The following HDAC9 variants were observed in gnomAD, a reference collection of about 807,000 sequenced individuals.
HDAC9 encodes MEF-2 interacting transcription repressor (MITR) protein.
A neutral mutation model predicts 139.4 loss-of-function variants in HDAC9; 41 were observed. That is an observed-to-expected ratio of 0.29 (90% CI 0.23 to 0.38). The LOEUF is 0.38. Ranked by LOEUF, HDAC9 falls within the 10% of genes least tolerant of loss-of-function variation. The pLI, the probability that HDAC9 is intolerant of heterozygous loss-of-function variation, is 1.00. For synonymous variants in HDAC9, 517 were observed against 476.2 expected (o/e 1.09, Z -1.12); for missense variants, 1,147 against 1,297.0 (o/e 0.88, Z 1.78).
chr7:18,396,117 C>CCCTTCCCTTCCCTTG (rs1379236469), intron 1 of HDAC9, among the ~76,000 whole-genome samples: 4 of 124,576 alleles, frequency 3.2e-5, no homozygotes, highest in East Asian at 6.7e-4. Flanking sequence ...CCCTTCCCTT[C>CCCTTCCCTTCCCTTG]CCTTCCCTTC....
At chr7:18,560,091 T>C (rs1820117858) in intron 2 of HDAC9, among the ~76,000 whole-genome samples, 2 of 152,224 alleles carry the variant, frequency 1.3e-5, no homozygotes, top group African/African-American at 2.4e-5. Context: ...AATTTTTTTA[T>C]TATTTTTAAG....
At chr7:18,120,205 A>G (rs1207209121) in intron 1 of HDAC9, among the ~76,000 whole-genome samples, 1 of 152,178 alleles carries the variant, frequency 6.6e-6, no homozygotes, top group African/African-American at 2.4e-5. Flanking sequence ...ACTGGCATCT[A>G]GTGGGCAGAG....
chr7:18,210,429 T>C (rs1472909687), intron 2 of HDAC9, among the ~76,000 whole-genome samples: 2 of 152,224 alleles, frequency 1.3e-5, no homozygotes, highest in Non-Finnish European at 2.9e-5. Flanking sequence ...ATAAATCAGC[T>C]TGTTCCATAA....
At chr7:18,370,140 C>T (rs914679811) in intron 1 of HDAC9, among the ~76,000 whole-genome samples, 2 of 152,056 alleles carry the variant, frequency 1.3e-5, no homozygotes, top group Non-Finnish European at 2.9e-5. Context: ...TAAATTTATT[C>T]GTGCAAACCA....
intron 1 of HDAC9, among the ~76,000 whole-genome samples, chr7:18,467,947 A>G (rs573744689): frequency 2.0e-5 from 3 of 152,226 alleles, no homozygotes; most frequent in African/African-American, 7.2e-5. Context: ...CTACTCAGAT[A>G]TTTTATAAAA....
rs1389667845 is a variant in HDAC9 at position 18,624,810 on chromosome 7, T to C, written c.665-4540T>C. Among the ~76,000 whole-genome samples, 5 of 151,924 alleles carry C rather than the reference T, an allele frequency of 3.3e-5. No homozygotes were observed. The South Asian group carries it at 8.3e-4, about 25-fold the overall frequency. ...TCTGAAATGTTAGGAGTGAGTTTTA[T>C]AGAGCATTGCCAGGACTAAATGATA... On this transcript the variant is annotated intron_variant, in intron 6 of 25. Coordinates refer to ENST00000686413, the MANE Select transcript of HDAC9 (RefSeq NM_178425.4).
At chr7:18,986,497 G>A (rs1245249819) in intron 25 of HDAC9, among the ~76,000 whole-genome samples, 2 of 119,804 alleles carry the variant, frequency 1.7e-5, no homozygotes, top group Admixed American at 9.1e-5. Flanking sequence ...TTTGAAGTCA[G>A]GTAGTGTGAT....
intron 6 of HDAC9, among the ~76,000 whole-genome samples, chr7:18,624,034 A>C (rs1469891046): frequency 6.6e-6 from 1 of 152,178 alleles, no homozygotes; most frequent in African/African-American, 2.4e-5. Flanking sequence ...GCCTGTCTGC[A>C]TGCATGTGTA....
chr7:18,221,106 C>CTTTTTTTTTTTTTTTTTTTTTTT (rs537033538), intron 2 of HDAC9, among the ~76,000 whole-genome samples: 16 of 139,662 alleles, frequency 1.1e-4, no homozygotes, highest in African/African-American at 4.4e-4. Context: ...ATTTCTATTC[C>CTTTTTTTTTTTTTTTTTTTTTTT]TTTTTTTTTT....
At chr7:18,133,572 C>G (rs1785166094) in intron 1 of HDAC9, among the ~76,000 whole-genome samples, 1 of 152,110 alleles carries the variant, frequency 6.6e-6, no homozygotes. Flanking sequence ...TTATAGGATG[C>G]ACATGTTATT....
At chr7:18,360,456 C>T (rs953477205) in intron 1 of HDAC9, among the ~76,000 whole-genome samples, 7 of 152,032 alleles carry the variant, frequency 4.6e-5, no homozygotes, top group Non-Finnish European at 1.0e-4. Flanking sequence ...TAATCTTTTC[C>T]CCTACACTTT....
At chr7:18,132,052 G>A (rs1362803012) in intron 1 of HDAC9, among the ~76,000 whole-genome samples, 5 of 152,090 alleles carry the variant, frequency 3.3e-5, no homozygotes, top group Admixed American at 6.6e-5. Flanking sequence ...TATAAGAGTT[G>A]AATGTGTTCC....
chr7:18,378,073 T>G (rs1191883430), intron 1 of HDAC9, among the ~76,000 whole-genome samples: 3 of 152,118 alleles, frequency 2.0e-5, no homozygotes. Flanking sequence ...CAAAATGAAG[T>G]GCTCGAAGGG....
rs559527565 is a variant in HDAC9, at chr7:18,972,314, G to T, written c.3023-3492G>T. ...ATCCAGTGACTTCTTCCGGATTAGT[G>T]TGGGATCTCCAAGCTGGAAATACTT... On this transcript the variant is annotated intron_variant, in intron 24 of 25. Transcript: ENST00000686413. 6.0e-4 allele frequency among the ~76,000 whole-genome samples: 90 copies of T among 150,144 alleles called. 2 individuals are homozygous for T. Among genetic ancestry groups the T allele is most frequent in the Non-Finnish European group, 4.9e-4 (33 of 67,726 alleles).
At chr7:18,431,727 T>C (rs1322881179) in intron 1 of HDAC9, among the ~76,000 whole-genome samples, 2 of 152,242 alleles carry the variant, frequency 1.3e-5, no homozygotes, top group African/African-American at 4.8e-5. Flanking sequence ...GAGGGACTTA[T>C]ATGCTACTTT....
chr7:18,141,405 T>C (rs571659674), intron 1 of HDAC9, among the ~76,000 whole-genome samples: 28 of 152,284 alleles, frequency 1.8e-4, no homozygotes, highest in African/African-American at 5.3e-4. Context: ...CATCAGAGCC[T>C]ATAGGCAGGT....
chr7:18,588,153 C>T (rs1376600321), intron 3 of HDAC9, among the ~76,000 whole-genome samples: 1 of 152,166 alleles, frequency 6.6e-6, no homozygotes, highest in African/African-American at 2.4e-5. Context: ...GGTTGATATA[C>T]AGAGTTAGCT....
At chr7:18,562,877 G>A (rs999464249) in intron 2 of HDAC9, among the ~76,000 whole-genome samples, 7 of 152,034 alleles carry the variant, frequency 4.6e-5, no homozygotes, top group Non-Finnish European at 8.8e-5. Flanking sequence ...TTTAACCTAT[G>A]AAAATGAAAT....
At chr7:18,415,655 T>C (rs927952588) in intron 1 of HDAC9, among the ~76,000 whole-genome samples, 1 of 152,230 alleles carries the variant, frequency 6.6e-6, no homozygotes, top group Non-Finnish European at 1.5e-5. Context: ...CTTCATGTGG[T>C]GAAACGTGCC....
Sources: allele counts gnomAD v4.1 joint callset (sites outside exome capture counted in the v4.1 genomes callset), GRCh38; gene constraint gnomAD v4.1.1; transcripts MANE v1.5; gene names NCBI Gene and HGNC (gene_info 2026-07-23, HGNC 2026-07-21).